Variants in GLRA3 observed in about 807,000 individuals in gnomAD.
GLRA3 encodes glycine receptor subunit alpha-3.
A neutral mutation model predicts 60.4 loss-of-function variants in GLRA3; 44 were observed. The observed-to-expected ratio is 0.73, with a 90% CI of 0.57 to 0.94. The LOEUF is 0.94. Among genes scored for constraint, GLRA3 ranks in the 40% least tolerant of loss-of-function variants. The pLI is 0.00. For missense variants in GLRA3, 508 were observed against 564.6 expected, an observed-to-expected ratio of 0.90 and a Z score of 1.02; for synonymous variants, 223 against 192.9, an observed-to-expected ratio of 1.16 and a Z score of -1.29.
chr4:174,734,173 T>A (rs1208514989), intron 3 of GLRA3, among the ~76,000 whole-genome samples: 1 of 152,158 alleles, frequency 6.6e-6, no homozygotes, highest in Non-Finnish European at 1.5e-5. Context: ...AGAAAATAAT[T>A]CACCTTTGTC....
chr4:174,791,162 C>G (rs1739332738), intron 1 of GLRA3, among the ~76,000 whole-genome samples: 1 of 151,892 alleles, frequency 6.6e-6, no homozygotes, highest in African/African-American at 2.4e-5. Flanking sequence ...GAAACAGTAT[C>G]CTTATAAGGA....
At chr4:174,679,203 C>T (rs886160998) in intron 6 of GLRA3, among the ~76,000 whole-genome samples, 1 of 151,896 alleles carries the variant, frequency 6.6e-6, no homozygotes, top group Non-Finnish European at 1.5e-5. Context: ...TGGTGGTGGG[C>T]GCCTGTAGTC....
At chr4:174,795,844 A>C (rs1739544289) in intron 1 of GLRA3, among the ~76,000 whole-genome samples, 1 of 152,228 alleles carries the variant, frequency 6.6e-6, no homozygotes, top group Non-Finnish European at 1.5e-5. Flanking sequence ...AAAAATGAGA[A>C]GATAATGAAG....
intron 2 of GLRA3, among the ~76,000 whole-genome samples, chr4:174,771,964 C>A (rs950188214): frequency 6.6e-6 from 1 of 152,020 alleles, no homozygotes; most frequent in African/African-American, 2.4e-5. Flanking sequence ...TTTCAGTGTC[C>A]CTTGGGAGCA....
At chr4:174,743,157 A>G (rs1357521283) in intron 3 of GLRA3, among the ~76,000 whole-genome samples, 1 of 152,188 alleles carries the variant, frequency 6.6e-6, no homozygotes, top group Non-Finnish European at 1.5e-5. Context: ...AATATTTTAC[A>G]TATTCATAGT....
intron 3 of GLRA3, among the ~76,000 whole-genome samples, chr4:174,729,054 G>A (rs1302904519): frequency 1.3e-5 from 2 of 152,126 alleles, no homozygotes; most frequent in Non-Finnish European, 2.9e-5. Flanking sequence ...TGATTACCAC[G>A]TAAAACAGTC....
intron 5 of GLRA3, among the ~76,000 whole-genome samples, chr4:174,691,109 G>A (rs1247509336): frequency 6.6e-6 from 1 of 152,078 alleles, no homozygotes; most frequent in Non-Finnish European, 1.5e-5. Flanking sequence ...TTTCCACAAT[G>A]GTTGAACTTA....
intron 4 of GLRA3, among the ~76,000 whole-genome samples, chr4:174,719,905 T>A (rs1252980662): frequency 6.6e-6 from 1 of 152,196 alleles, no homozygotes; most frequent in African/African-American, 2.4e-5. Context: ...ACTGTCAAAA[T>A]AAGTTTGCTT....
At chr4:174,651,446 C>T (rs12503030) in intron 9 of GLRA3, among the ~76,000 whole-genome samples, 11,337 of 152,128 alleles carry the variant, frequency 0.075, 564 homozygotes, top group Middle Eastern at 0.13. Flanking sequence ...ACAAAGCACT[C>T]AAATTGCTGC....
Position 174,747,576 on chromosome 4 carries a change from T to A in GLRA3, c.268-18878A>T, listed in dbSNP as rs77263966. ...GAGTTAGATTCTGTGACGGTTCCTG[T>A]CACAACAGTGAGAGGTGATCCCCAA... On this transcript the variant is annotated intron_variant, in intron 3 of 9. Coordinates refer to ENST00000274093, the MANE Select transcript of GLRA3 (RefSeq NM_006529.4). Among the ~76,000 whole-genome samples the A allele has an allele frequency of 2.9e-3, 436 of 152,264 alleles. 1 individual carries two copies. Among genetic ancestry groups the A allele is most frequent in the African/African-American group, 9.9e-3 (411 of 41,556 alleles).
intron 3 of GLRA3, among the ~76,000 whole-genome samples, chr4:174,756,545 A>G (rs1737706130): frequency 6.6e-6 from 1 of 152,154 alleles, no homozygotes; most frequent in African/African-American, 2.4e-5. Flanking sequence ...ATAAAATTGA[A>G]TTCCTTTTCA....
chr4:174,647,070 G>A (rs1444418095), intron 9 of GLRA3, among the ~76,000 whole-genome samples: 3 of 152,194 alleles, frequency 2.0e-5, no homozygotes, highest in African/African-American at 7.2e-5. Context: ...ATAAAATTGA[G>A]AGGAAAGTGG....
In GLRA3 at chr4:174,728,495, T is replaced by G. The variant is rs747809604; in HGVS notation, c.471A>C (p.Gly157=). The G allele has an allele frequency of 1.3e-6, 2 of 1,597,332 alleles. No individual in the cohort carries two copies. Among genetic ancestry groups the G allele is most frequent in the South Asian group, 2.2e-5 (2 of 90,632 alleles). The change falls in exon 4 of 10, where the codon GGA becomes GGC. Residue 157 remains glycine (G), a synonymous_variant. Transcript: ENST00000274093. ...DNKLLRIFKN[G]NVLYSIRLTL... ...CTCACCTTATTGAATAAAGAACATT[T>G]CCATTTTTGAAAATTCTTAGCAATT...
intron 3 of GLRA3, among the ~76,000 whole-genome samples, chr4:174,747,811 G>C (rs932107229): frequency 6.8e-6 from 1 of 147,782 alleles, no homozygotes; most frequent in African/African-American, 2.5e-5. Context: ...TCAGATATTT[G>C]AGAAACCAAC....
At chr4:174,720,140 AAG>A (rs1219776788) in intron 4 of GLRA3, among the ~76,000 whole-genome samples, 2 of 152,148 alleles carry the variant, frequency 1.3e-5, no homozygotes, top group Non-Finnish European at 2.9e-5. Context: ...ACGAGTAGAA[AAG>A]TTGGGTTTCT....
intron 3 of GLRA3, among the ~76,000 whole-genome samples, chr4:174,751,735 C>T (rs983224905): frequency 7.2e-5 from 11 of 151,860 alleles, no homozygotes; most frequent in African/African-American, 2.7e-4. Context: ...TAAATATACA[C>T]TTTAGAGCAC....
At chr4:174,690,090 C>G (rs1734736705) in intron 5 of GLRA3, among the ~76,000 whole-genome samples, 1 of 152,096 alleles carries the variant, frequency 6.6e-6, no homozygotes, top group South Asian at 2.1e-4. Flanking sequence ...TAAAACAAGT[C>G]AGATGCAGAA....
At chr4:174,778,695 G>A (rs910602422) in intron 2 of GLRA3, among the ~76,000 whole-genome samples, 6 of 152,204 alleles carry the variant, frequency 3.9e-5, no homozygotes, top group Non-Finnish European at 8.8e-5. Flanking sequence ...TTCCCTTTCC[G>A]AGTCAAAGAA....
At chr4:174,686,888 G>T (rs771791321) in intron 5 of GLRA3, among the ~76,000 whole-genome samples, 23 of 152,214 alleles carry the variant, frequency 1.5e-4, no homozygotes, top group Non-Finnish European at 2.6e-4. Flanking sequence ...AATAATGTAA[G>T]ATGATGTAAA....
Sources: gnomAD v4.1 joint callset for allele counts (sites outside exome capture counted in the v4.1 genomes callset) on GRCh38, gnomAD v4.1.1 for gene constraint, MANE v1.5 for transcripts, NCBI Gene and HGNC (gene_info 2026-07-23, HGNC 2026-07-21) for gene names.